The following OTOGL variants were observed in gnomAD, a reference collection of about 807,000 sequenced individuals.
The protein encoded by OTOGL is otogelin like.
Under a neutral mutation model 318.5 loss-of-function variants are expected in OTOGL, and 285 were observed. The ratio of observed to expected loss-of-function variants is 0.89; its 90% confidence interval spans 0.81 to 0.99. The LOEUF is 0.99. OTOGL is among the 50% of genes least tolerant of loss of function. The pLI is 0.00. For synonymous variants in OTOGL, 987 were observed against 936.5 expected (o/e 1.05, Z -0.99); for missense variants, 2,899 against 2,845.6 (o/e 1.02, Z -0.43).
intron 1 of OTOGL, among the ~76,000 whole-genome samples, chr12:80,154,860 T>G (rs1373500239): frequency 6.6e-6 from 1 of 152,250 alleles, no homozygotes; most frequent in African/African-American, 2.4e-5. Context: ...ACTGCCAAAC[T>G]GTCTTGCAAA....
At chr12:80,104,822 C>T (rs1335875977) in intron 1 of OTOGL, among the ~76,000 whole-genome samples, 5 of 152,108 alleles carry the variant, frequency 3.3e-5, no homozygotes, top group African/African-American at 9.7e-5. Flanking sequence ...TGGCCTGGCA[C>T]GGTGGCTCAT....
chr12:80,361,515 G>A (rs1368875500), intron 52 of OTOGL, among the ~76,000 whole-genome samples: 2 of 140,686 alleles, frequency 1.4e-5, no homozygotes, highest in Non-Finnish European at 1.6e-5. Flanking sequence ...GGAATTGCTG[G>A]ATCATATAGT....
At chr12:80,346,901 C>T (rs12427131) in intron 44 of OTOGL, among the ~76,000 whole-genome samples, 11,318 of 152,188 alleles carry the variant, frequency 0.074, 481 homozygotes, top group East Asian at 0.17. Context: ...AACAGGGTAA[C>T]ATATCGAGAT....
At chr12:80,111,839 G>A (rs1330699905) in intron 1 of OTOGL, among the ~76,000 whole-genome samples, 1 of 152,182 alleles carries the variant, frequency 6.6e-6, no homozygotes, top group Non-Finnish European at 1.5e-5. Context: ...ACTCTGGGCA[G>A]TATGGCCATT....
At chr12:80,308,101 C>A (rs1461085053) in intron 29 of OTOGL, among the ~76,000 whole-genome samples, 10 of 139,816 alleles carry the variant, frequency 7.2e-5, no homozygotes, top group Admixed American at 2.8e-4. Context: ...GGGGGCTGAC[C>A]CCCCCACCTC....
At chr12:80,319,965 A>G (rs886336456) in intron 33 of OTOGL, among the ~76,000 whole-genome samples, 5 of 152,198 alleles carry the variant, frequency 3.3e-5, no homozygotes, top group Non-Finnish European at 5.9e-5. Context: ...ACTGAAATGC[A>G]GTTACATCCC....
At chr12:80,132,145 A>G (rs1871276914) in intron 1 of OTOGL, 1 of 152,218 alleles carries the variant, frequency 6.6e-6, no homozygotes. Context: ...CTAGGGTTTG[A>G]GAAGTACTGA....
At chr12:80,371,072 CT>C (rs1325927395) in intron 56 of OTOGL, among the ~76,000 whole-genome samples, 1 of 152,028 alleles carries the variant, frequency 6.6e-6, no homozygotes, top group Non-Finnish European at 1.5e-5. Flanking sequence ...GTAATGCATG[CT>C]GGCCTGTATG....
rs762488467 is a variant in OTOGL, at chr12:80,251,714, T to C, written c.1074T>C (p.Tyr358=). 4 of 1,590,764 alleles carry C rather than the reference T, an allele frequency of 2.5e-6. No homozygotes were observed. The highest frequency in any genetic ancestry group is 2.3e-5 in the East Asian group (1 of 44,316). The change falls in exon 12 of 59, where the codon TAT becomes TAC. Residue 358 remains tyrosine (Y), a synonymous_variant. Coordinates refer to ENST00000547103, the MANE Select transcript of OTOGL (RefSeq NM_001378609.3). ...CTAGAACTGATGATGATGAAACCTA[T>C]TGCCGAGCAGCCACTGAGTATGCTA... is the stretch of plus-strand genomic sequence containing the variant. ...DLCKTDDDET[Y]CRAATEYARA... is the part of the protein sequence containing the mutation.
intron 20 of OTOGL, 176 bp downstream of exon 20, chr12:80,265,386 A>G: frequency 1.4e-6 from 1 of 736,166 alleles, no homozygotes; most frequent in East Asian, 2.8e-5. Context: ...GATTGGAGAT[A>G]TGTTGGATAA....
chr12:80,180,449 G>T (rs998313119), intron 1 of OTOGL, among the ~76,000 whole-genome samples: 45 of 152,146 alleles, frequency 3.0e-4, no homozygotes, highest in African/African-American at 9.4e-4. Flanking sequence ...TGTCATATGT[G>T]GTCCATAAAC....
At chr12:80,359,362 A>G (rs1005156341) in intron 52 of OTOGL, among the ~76,000 whole-genome samples, 9 of 152,170 alleles carry the variant, frequency 5.9e-5, no homozygotes, top group African/African-American at 2.2e-4. Flanking sequence ...AGAAATAACT[A>G]GGATAACTCT....
intron 11 of OTOGL, among the ~76,000 whole-genome samples, chr12:80,244,267 C>A (rs1880662483): frequency 6.7e-6 from 1 of 149,470 alleles, no homozygotes; most frequent in Non-Finnish European, 1.5e-5. Flanking sequence ...TGCGCTGCAC[C>A]CACTAACTCA....
chr12:80,261,971 C>T lies in OTOGL; in HGVS notation c.1892C>T (p.Ser631Phe). ...FNGNIRDDFL[S>F]PSGMIEGTPQ... ...TGAGCATTGTCTTTGCTTTCTAGTT[C>T]TCCATCAGGCATGATAGAAGGTACA... Residue 631 changes from serine (S) to phenylalanine (F), a missense_variant and splice_region_variant, in exon 19 of 59, where the codon TCT (serine) becomes TTT (phenylalanine). Physicochemically the swap from Ser to Phe is radical, Grantham distance 155. Around this residue, in one of 3 missense-constraint regions of OTOGL, gnomAD observed 2,607 missense variants for 2,524.9 expected, o/e 1.03. Coordinates refer to ENST00000547103, the MANE Select transcript of OTOGL (RefSeq NM_001378609.3). 6.2e-7 allele frequency: 1 copy of T among 1,610,198 alleles called. No individual in the cohort carries two copies. The highest frequency in any genetic ancestry group is 1.3e-5 in the African/African-American group (1 of 74,922).
intron 1 of OTOGL, among the ~76,000 whole-genome samples, chr12:80,157,505 C>A (rs1319442371): frequency 1.3e-5 from 2 of 152,078 alleles, no homozygotes; most frequent in Non-Finnish European, 2.9e-5. Flanking sequence ...TTTGCCGAGA[C>A]CAAAGTCCTG....
At chr12:80,303,216 C>T (rs764496603) in intron 28 of OTOGL, among the ~76,000 whole-genome samples, 17 of 152,148 alleles carry the variant, frequency 1.1e-4, no homozygotes, top group Middle Eastern at 3.4e-3. Context: ...AGTGCAGTGG[C>T]GCAATCTCAG....
intron 1 of OTOGL, among the ~76,000 whole-genome samples, chr12:80,165,095 C>T (rs1329832682): frequency 6.6e-6 from 1 of 152,036 alleles, no homozygotes; most frequent in Non-Finnish European, 1.5e-5. Context: ...CGCTTTCTCC[C>T]TGTGTGGGAT....
intron 5 of OTOGL, among the ~76,000 whole-genome samples, chr12:80,218,030 A>G (rs922678984): frequency 4.7e-4 from 72 of 152,224 alleles, no homozygotes; most frequent in African/African-American, 1.6e-3. Context: ...AGTGGTAACT[A>G]TGAAATAGAA....
At chr12:80,333,167 T>A in intron 38 of OTOGL, 89 bp downstream of exon 38, 2 of 1,163,750 alleles carry the variant, frequency 1.7e-6, no homozygotes, top group Non-Finnish European at 2.5e-6. Flanking sequence ...GCTACTAAAC[T>A]TTTTTTGATA....
Sources: gnomAD v4.1 joint callset for allele counts (sites outside exome capture counted in the v4.1 genomes callset) on GRCh38, gnomAD v4.1.1 for gene constraint, gnomAD v4.1.1 regional missense constraint, MANE v1.5 for transcripts, NCBI Gene and HGNC (gene_info 2026-07-23, HGNC 2026-07-21) for gene names.